Variants in PHLDB2 observed in about 807,000 individuals in gnomAD.
PHLDB2 encodes the protein pleckstrin homology-like domain family B member 2.
Under a neutral mutation model 123.6 loss-of-function variants are expected in PHLDB2, and 71 were observed. That is an observed-to-expected ratio of 0.57 (90% confidence interval 0.47 to 0.70). The LOEUF (loss-of-function observed/expected upper bound fraction) is 0.70. Among genes scored for constraint, PHLDB2 ranks in the 30% least tolerant of loss-of-function variants. The probability of loss-of-function intolerance (pLI) is 0.00; values close to 1 mark genes in which losing one functional copy is unlikely to be tolerated. For synonymous variants in PHLDB2, 547 were observed against 541.6 expected, an observed-to-expected ratio of 1.01 and a Z score of -0.14; for missense variants, 1,446 against 1,519.5, an observed-to-expected ratio of 0.95 and a Z score of 0.80.
intron 2 of PHLDB2, among the ~76,000 whole-genome samples, chr3:111,846,788 C>A (rs957401467): frequency 1.3e-5 from 2 of 152,104 alleles, no homozygotes; most frequent in African/African-American, 4.8e-5. Flanking sequence ...TACTCAGTTG[C>A]TCTATTGTGG....
chr3:111,956,967 A>G (rs778010703), intron 12 of PHLDB2: 1 of 152,250 alleles, frequency 6.6e-6, no homozygotes, highest in East Asian at 1.9e-4. Flanking sequence ...AAACTTACAC[A>G]ATTAACTTAA....
At chr3:111,861,432 T>G (rs1448628906) in intron 1 of PHLDB2, among the ~76,000 whole-genome samples, 1 of 152,258 alleles carries the variant, frequency 6.6e-6, no homozygotes, top group East Asian at 1.9e-4. Context: ...CAAGGAAGAG[T>G]TGAGTTTGTC....
chr3:111,803,640 A>T (rs968432818), intron 1 of PHLDB2, among the ~76,000 whole-genome samples: 10 of 152,176 alleles, frequency 6.6e-5, no homozygotes, highest in Non-Finnish European at 1.2e-4. Flanking sequence ...ATGGGCTTTG[A>T]AATCAAACAA....
intron 1 of PHLDB2, among the ~76,000 whole-genome samples, chr3:111,864,881 T>G (rs959535164): frequency 6.6e-6 from 1 of 152,220 alleles, no homozygotes. Context: ...GCTAATTCAG[T>G]GGGAATTGGT....
At chr3:111,805,376 T>C (rs1490756132) in intron 1 of PHLDB2, among the ~76,000 whole-genome samples, 1 of 151,714 alleles carries the variant, frequency 6.6e-6, no homozygotes, top group Admixed American at 6.6e-5. Flanking sequence ...CTGGCTAACA[T>C]GGTGAAACCC....
intron 2 of PHLDB2, among the ~76,000 whole-genome samples, chr3:111,895,873 C>CCATCTATCT (rs1553746643): frequency 0.034 from 5,107 of 148,512 alleles, 239 homozygotes; most frequent in African/African-American, 0.11. Flanking sequence ...TCTATCTATC[C>CCATCTATCT]ATCTATCTAT....
intron 1 of PHLDB2, among the ~76,000 whole-genome samples, chr3:111,841,754 T>G (rs939879997): frequency 1.3e-5 from 2 of 152,136 alleles, no homozygotes; most frequent in African/African-American, 4.8e-5. Flanking sequence ...CCACAACATT[T>G]TTATTATGAA....
intron 1 of PHLDB2, among the ~76,000 whole-genome samples, chr3:111,755,336 A>G (rs1473594720): frequency 7.0e-6 from 1 of 143,446 alleles, no homozygotes; most frequent in Non-Finnish European, 1.5e-5. Flanking sequence ...AGAGCCTGTT[A>G]TTGGTCTATT....
At chr3:111,843,456 T>A (rs2063789452) in intron 1 of PHLDB2, among the ~76,000 whole-genome samples, 1 of 152,254 alleles carries the variant, frequency 6.6e-6, no homozygotes. Context: ...AGTAGCATGA[T>A]CAGAGCTCAC....
In PHLDB2 at chr3:111,945,355, G is replaced by C. The variant is rs1415587282; in HGVS notation, c.2485G>C (p.Glu829Gln). The stretch of plus-strand genomic sequence containing the variant: ...TCCCGTTAACCCCAATACTTTAAAA[G>C]AGGTAAGCTATGATTTTACATGTCG... ...GFPVNPNTLKEGYISVNEINE... is the reference protein window; with the variant it reads ...GFPVNPNTLKQGYISVNEINE... Residue 829 changes from glutamate (E) to glutamine (Q), a missense_variant and splice_region_variant, in exon 9 of 18, where the codon GAG (glutamate) becomes CAG (glutamine). Coordinates refer to ENST00000431670, the MANE Select transcript of PHLDB2 (RefSeq NM_001134438.2). The C allele has an allele frequency of 3.8e-6, 6 of 1,590,642 alleles. No homozygotes were observed. Among genetic ancestry groups the C allele is most frequent in the Non-Finnish European group, 5.2e-6 (6 of 1,160,238 alleles).
chr3:111,884,539 G>A lies in PHLDB2; in HGVS notation c.462G>A (p.Arg154=). 6.2e-7 allele frequency: 1 copy of A among 1,614,120 alleles called. No individual in the cohort carries two copies. The highest frequency in any genetic ancestry group is 8.5e-7 in the Non-Finnish European group (1 of 1,180,028). ...EKPPYSKYSS[R]HKSHDNVYSL... ...CTCCCTATTCCAAATATAGCTCAAG[G>A]CATAAATCGCATGACAATGTCTACT... is the stretch of plus-strand genomic sequence containing the variant. Residue 154 remains arginine (R), a synonymous_variant, in exon 2 of 18, where the codon AGG becomes AGA. Transcript: ENST00000431670.
In PHLDB2 at chr3:111,940,644, G is replaced by T; in HGVS notation, c.2396G>T (p.Arg799Ile). The T allele has an allele frequency of 6.4e-7, 1 of 1,559,656 alleles. No individual in the cohort carries two copies. The highest frequency in any genetic ancestry group is 8.7e-7 in the Non-Finnish European group (1 of 1,143,866). Reference protein sequence around the residue: ...EKNNLIMMLQREKENLCNLEK... With the variant: ...EKNNLIMMLQIEKENLCNLEK... ...AATAATTTAATAATGATGTTGCAAA[G>T]AGTAAGTATTTCCTTTTCAGCACTG... is the stretch of plus-strand genomic sequence containing the variant. Residue 799 changes from arginine to isoleucine, a missense_variant and splice_region_variant, in exon 8 of 18, where the codon AGA (arginine) becomes ATA (isoleucine). Physicochemically the swap from Arg to Ile is moderately conservative, Grantham distance 97 (BLOSUM62 -3). Transcript: ENST00000431670.
intron 1 of PHLDB2, among the ~76,000 whole-genome samples, chr3:111,880,220 C>CATAG (rs1299632213): frequency 6.6e-6 from 1 of 152,042 alleles, no homozygotes; most frequent in African/African-American, 2.4e-5. Flanking sequence ...CGTTCTCTAC[C>CATAG]ATAGCATTGA....
chr3:111,949,718 A>G (rs768251853), intron 10 of PHLDB2: 31 of 985,364 alleles, frequency 3.1e-5, no homozygotes, highest in Non-Finnish European at 3.7e-5. Context: ...TCACCTGTCT[A>G]TTCTGGATTT....
At chr3:111,822,899 A>G (rs1281288165) in intron 1 of PHLDB2, among the ~76,000 whole-genome samples, 3 of 151,772 alleles carry the variant, frequency 2.0e-5, no homozygotes, top group Admixed American at 1.3e-4. Context: ...AAAAAAAAAT[A>G]TGCACATAAT....
At chr3:111,785,777 A>C (rs2060657347) in intron 1 of PHLDB2, among the ~76,000 whole-genome samples, 1 of 152,146 alleles carries the variant, frequency 6.6e-6, no homozygotes, top group Non-Finnish European at 1.5e-5. Context: ...TCTAAAATTC[A>C]ATTAGGACAT....
At chr3:111,870,586 C>A (rs1330660242) in intron 1 of PHLDB2, among the ~76,000 whole-genome samples, 1 of 152,008 alleles carries the variant, frequency 6.6e-6, no homozygotes, top group Non-Finnish European at 1.5e-5. Flanking sequence ...GTTTTTGTGT[C>A]CATTGTTGTC....
intron 1 of PHLDB2, among the ~76,000 whole-genome samples, chr3:111,870,243 T>C (rs1030008666): frequency 4.0e-5 from 6 of 151,826 alleles, no homozygotes; most frequent in Non-Finnish European, 8.8e-5. Context: ...GGAGAGAGGA[T>C]CTGGGGCTGT....
chr3:111,918,430 A>T (rs1377089031), intron 3 of PHLDB2, among the ~76,000 whole-genome samples: 2 of 152,236 alleles, frequency 1.3e-5, no homozygotes, highest in African/African-American at 4.8e-5. Flanking sequence ...CACTAACACA[A>T]AAGTGAAGCA....
Sources: allele counts gnomAD v4.1 joint callset (sites outside exome capture counted in the v4.1 genomes callset), GRCh38; gene constraint gnomAD v4.1.1; transcripts MANE v1.5; gene names NCBI Gene and HGNC (gene_info 2026-07-23, HGNC 2026-07-21).